The following FCAMR variants were observed in gnomAD, a reference collection of about 807,000 sequenced individuals.
FCAMR encodes the protein Fc alpha and mu receptor, also known as high affinity immunoglobulin alpha and immunoglobulin mu Fc receptor.
Under a neutral mutation model 52.2 loss-of-function variants are expected in FCAMR, and 51 were observed. That is an observed-to-expected ratio of 0.98 (90% CI 0.78 to 1.23). The LOEUF is 1.23. Among genes scored for constraint, FCAMR ranks in the 50% most tolerant of loss-of-function variants. The probability of loss-of-function intolerance (pLI) is 0.00; values close to 1 mark genes in which losing one functional copy is unlikely to be tolerated. For synonymous variants in FCAMR, 282 were observed against 262.0 expected (o/e 1.08, Z -0.74); for missense variants, 719 against 712.6 (o/e 1.01, Z -0.10).
chr1:206,959,195 C>A (rs12023562), intron 7 of FCAMR, among the ~76,000 whole-genome samples: 3 of 151,986 alleles, frequency 2.0e-5, no homozygotes, highest in Admixed American at 6.5e-5. Context: ...GATTAAAAAC[C>A]AAGGCAGTTT....
chr1:206,959,688 T>A lies in FCAMR; in HGVS notation c.1564A>T (p.Arg522Trp), dbSNP rs2102615432. ...GGGCTACTCAACTCACAGGTCCTCC[T>A]TCTCCAGAGCTTCCTTTGCAATAGA... ...LVLLQRKLWR[R>W]RTSQEAERVT... Residue 522 changes from arginine to tryptophan, a missense_variant, in exon 7 of 8, where the codon AGG becomes TGG. Physicochemically the swap from Arg to Trp is moderately radical, Grantham distance 101 (BLOSUM62 -3). Coordinates refer to ENST00000324852, the MANE Select transcript of FCAMR (RefSeq NM_001170631.2). The A allele has an allele frequency of 6.2e-7, 1 of 1,613,946 alleles. No homozygotes were observed. The highest frequency in any genetic ancestry group is 8.5e-7 in the Non-Finnish European group (1 of 1,179,836).
chr1:206,965,888 G>A (rs1167499426), intron 3 of FCAMR, 30 bp from the exon 4 acceptor site: 1 of 1,609,028 alleles, frequency 6.2e-7, no homozygotes, highest in Non-Finnish European at 8.5e-7. Flanking sequence ...TGGGTCATCA[G>A]GGGGCCATCC....
intron 4 of FCAMR, among the ~76,000 whole-genome samples, chr1:206,962,813 C>T (rs1168986705): frequency 6.6e-6 from 1 of 152,144 alleles, no homozygotes; most frequent in East Asian, 1.9e-4. Context: ...CTGGTCCATC[C>T]AGAGCCTGGG....
Position 206,970,123 on chromosome 1 carries a change from CATCT to C in FCAMR, c.-2_2del, listed in dbSNP as rs1292853545. ...CAGGCTTCACTGTGGCCTCTCCATC[CATCT>C]CAGTCCAGAAACAAGATCCAGGTGG... On this transcript the variant is annotated start_lost and 5_prime_UTR_variant, in exon 1 of 8. Coordinates refer to ENST00000324852, the MANE Select transcript of FCAMR (RefSeq NM_001170631.2). The C allele has an allele frequency of 6.2e-7, 1 of 1,613,942 alleles. No individual in the cohort carries two copies. Among genetic ancestry groups the C allele is most frequent in the African/African-American group, 1.3e-5 (1 of 74,886 alleles).
chr1:206,969,811 A>G (rs1439894494), intron 1 of FCAMR, among the ~76,000 whole-genome samples: 1 of 152,164 alleles, frequency 6.6e-6, no homozygotes, highest in Non-Finnish European at 1.5e-5. Flanking sequence ...CTTTGACTGC[A>G]TGTTCTCCGT....
At chr1:206,965,458 A>T in intron 4 of FCAMR, among the ~76,000 whole-genome samples, 1 of 152,226 alleles carries the variant, frequency 6.6e-6, no homozygotes, top group East Asian at 1.9e-4. Flanking sequence ...ATTAACTACC[A>T]TAAGAATTCA....
chr1:206,960,821 G>C lies in FCAMR; in HGVS notation c.1055C>G (p.Ala352Gly). The C allele has an allele frequency of 5.2e-6, 8 of 1,552,386 alleles. No individual in the cohort carries two copies. The highest frequency in any genetic ancestry group is 7.0e-6 in the Non-Finnish European group (8 of 1,147,156). ...KDRREMTTTK[A>G]DRPREDIEGV... ...CTCTATGTCCTCCCTTGGCCTATCA[G>C]CCTTGGTAGTTGTCATCTCCCTCCT... The change falls in exon 6 of 8, where the codon GCT becomes GGT. Residue 352 changes from alanine to glycine, a missense_variant. Physicochemically the swap from Ala to Gly is moderately conservative, Grantham distance 60. Coordinates refer to ENST00000324852, the MANE Select transcript of FCAMR (RefSeq NM_001170631.2).
intron 5 of FCAMR, 68 bp downstream of exon 5, chr1:206,962,145 T>G: frequency 6.6e-7 from 1 of 1,507,148 alleles, no homozygotes; most frequent in South Asian, 1.2e-5. Flanking sequence ...TCTCTGAGGC[T>G]TCTCTCCCAC....
In FCAMR at chr1:206,968,139, A is replaced by T. The variant is rs565832486; in HGVS notation, c.40-488T>A. Among the ~76,000 whole-genome samples the T allele has an allele frequency of 4.7e-4, 71 of 151,888 alleles. No individual in the cohort carries two copies. The South Asian group carries it at 9.1e-3, about 20-fold the overall frequency. ...TGGATCACGAGGTTAGGAGTTCAAGACCAGCCTGACCAACATGGTGAAATC... is the reference window on the plus strand; with the variant it reads ...TGGATCACGAGGTTAGGAGTTCAAGTCCAGCCTGACCAACATGGTGAAATC... On this transcript the variant is annotated intron_variant, in intron 1 of 7. Coordinates refer to ENST00000324852, the MANE Select transcript of FCAMR (RefSeq NM_001170631.2).
intron 1 of FCAMR, 60 bp downstream of exon 1, chr1:206,970,027 C>T: frequency 1.3e-6 from 2 of 1,599,252 alleles, no homozygotes; most frequent in Non-Finnish European, 1.7e-6. Context: ...GCTATGGCTG[C>T]AGTTCACCCC....
chr1:206,958,697 C>A, intron 7 of FCAMR, 21 bp from the exon 8 acceptor site: 1 of 1,614,008 alleles, frequency 6.2e-7, no homozygotes, highest in Non-Finnish European at 8.5e-7. Flanking sequence ...ACAGAGCAGA[C>A]TGTGAGGGTT....
rs372915250 is a variant in FCAMR, at chr1:206,970,322, G to A, written c.-197C>T. ...CACTCACCTCAAGTCACTTCTCTTT[G>A]GATTTTATTATTTATAAGAGGAAGC... On this transcript the variant is annotated 5_prime_UTR_variant, in exon 1 of 8. Transcript: ENST00000324852. 1.9e-5 allele frequency: 11 copies of A among 569,116 alleles called. No individual in the cohort carries two copies. The East Asian group carries it at 2.4e-4, about 13-fold the overall frequency. The allele number at this position is 569,116 out of a possible 1,614,324, so 35.3% of individuals were successfully genotyped here.
chr1:206,962,474 G>A lies in FCAMR; in HGVS notation c.391C>T (p.Pro131Ser). ...CTCTGGTGCCTGTTGACAGATGAGG[G>A]GGCATAATGGCACTGGATGGTGACA... ...GAVTIQCHYAPSSVNRHQRKY... is the reference protein window; with the variant it reads ...GAVTIQCHYASSSVNRHQRKY... The change falls in exon 5 of 8, where the codon CCC becomes TCC. Residue 131 changes from proline (P) to serine (S), a missense_variant. Transcript: ENST00000324852. 1 of 1,612,166 alleles carries A rather than the reference G, an allele frequency of 6.2e-7. No individual in the cohort carries two copies. The highest frequency in any genetic ancestry group is 1.3e-5 in the African/African-American group (1 of 74,962).
rs199611731 is a variant in FCAMR at position 206,962,325 on chromosome 1, C to T, written c.540G>A (p.Leu180=). The change falls in exon 5 of 8, where the codon TTG becomes TTA. Residue 180 remains leucine, a synonymous_variant. Coordinates refer to ENST00000324852, the MANE Select transcript of FCAMR (RefSeq NM_001170631.2). ...VALTDFPQRG[L]FVVRLSQLSP... Reference sequence around the variant, plus strand: ...ACAGTTGGGACAGCCTCACCACAAACAAGCCTCTCTGTGGAAAGTCTGTGA... The same window carrying T: ...ACAGTTGGGACAGCCTCACCACAAATAAGCCTCTCTGTGGAAAGTCTGTGA... 6.2e-7 allele frequency: 1 copy of T among 1,609,816 alleles called. No individual in the cohort carries two copies. Among genetic ancestry groups the T allele is most frequent in the Non-Finnish European group, 8.5e-7 (1 of 1,178,958 alleles).
Position 206,960,041 on chromosome 1 carries a change from G to C in FCAMR, c.1455-244C>G, listed in dbSNP as rs1350408315. ...TGTGTGGGCCCTGCGATGCCTCCCA[G>C]TGAGAAAGAGGACTAGGTGGGAGCA... On this transcript the variant is annotated intron_variant, in intron 6 of 7. Transcript: ENST00000324852. 3 of 509,840 alleles carry C rather than the reference G, an allele frequency of 5.9e-6. No homozygotes were observed. In the East Asian group the frequency reaches 9.8e-5, roughly 17 times the overall value. The allele number at this position is 509,840 out of a possible 1,614,324, so 31.6% of individuals were successfully genotyped here. A position where few individuals can be genotyped will look rare whatever the true frequency, so the allele number is the denominator to read the frequency against.
chr1:206,969,157 C>G, intron 1 of FCAMR: 2 of 336,570 alleles, frequency 5.9e-6, no homozygotes, highest in South Asian at 4.6e-5. Flanking sequence ...CTAGACTCCC[C>G]CGGGTGAATT....
chr1:206,959,007 GA>G, intron 7 of FCAMR: 4 of 497,086 alleles, frequency 8.0e-6, no homozygotes, highest in South Asian at 3.1e-5. Flanking sequence ...GCCAAAGGGG[GA>G]AAATGCGAGG....
At position 206,960,717 on chromosome 1, in the gene FCAMR, C is replaced by T. The variant is rs1444055544; in HGVS notation, c.1159G>A (p.Ala387Thr). Reference protein sequence around the residue: ...GPPALVSETLAWEILPQATPV... With the variant: ...GPPALVSETLTWEILPQATPV... ...GTTGCTTGTGGGAGGATTTCCCAGG[C>T]CAAAGTTTCTGAGACCAGAGCTGGT... The change falls in exon 6 of 8, where the codon GCC (alanine) becomes ACC (threonine). Residue 387 changes from alanine to threonine, a missense_variant. Physicochemically the swap from Ala to Thr is moderately conservative, Grantham distance 58. Coordinates refer to ENST00000324852, the MANE Select transcript of FCAMR (RefSeq NM_001170631.2). 7 of 1,552,182 alleles carry T rather than the reference C, an allele frequency of 4.5e-6. No homozygotes were observed. In the Admixed American group the frequency reaches 1.4e-4, roughly 30 times the overall value.
At chr1:206,964,065 T>C (rs1030057139) in intron 4 of FCAMR, among the ~76,000 whole-genome samples, 2 of 152,246 alleles carry the variant, frequency 1.3e-5, no homozygotes, top group Non-Finnish European at 2.9e-5. Flanking sequence ...TTTCTGGAAG[T>C]TCCTCCTCTT....
Sources: gnomAD v4.1 joint callset for allele counts (sites outside exome capture counted in the v4.1 genomes callset) on GRCh38, gnomAD v4.1.1 for gene constraint, MANE v1.5 for transcripts, NCBI Gene and HGNC (gene_info 2026-07-23, HGNC 2026-07-21) for gene names.